FARP2: variants seen among roughly 807,000 people sequenced by gnomAD.
The protein encoded by FARP2 is FERM, ARHGEF and pleckstrin domain-containing protein 2.
A neutral mutation model predicts 130.5 loss-of-function variants in FARP2; 111 were observed. The ratio of observed to expected loss-of-function variants is 0.85; its 90% CI spans 0.73 to 1.00. FARP2 has a LOEUF of 1.00. Ranked by LOEUF, FARP2 falls within the 50% of genes least tolerant of loss-of-function variation. The pLI is 0.00. For missense variants in FARP2, 1,385 were observed against 1,346.3 expected, an observed-to-expected ratio of 1.03 and a Z score of -0.45; for synonymous variants, 504 against 516.9, an observed-to-expected ratio of 0.98 and a Z score of 0.34.
chr2:241,441,491 T>TGGCTGGA lies in FARP2; in HGVS notation c.1350_1356dup (p.Pro453TrpfsTer52), dbSNP rs756607455. ...GCTGCAGAGAGGCGCAGTGGAGCAG[T>TGGCTGGA]GGCTGGAGGCCCCGACACACCATCG... On this transcript the variant is annotated frameshift_variant, in exon 13 of 27. Transcript: ENST00000264042. LOFTEE classifies it high-confidence loss of function. 303 of 1,614,016 alleles carry TGGCTGGA rather than the reference T, an allele frequency of 1.9e-4. No individual in the cohort carries two copies. The highest frequency in any genetic ancestry group is 2.5e-4 in the Non-Finnish European group (292 of 1,180,014).
chr2:241,477,289 C>T (rs1341783003), intron 19 of FARP2, among the ~76,000 whole-genome samples: 1 of 152,002 alleles, frequency 6.6e-6, no homozygotes, highest in Non-Finnish European at 1.5e-5. Flanking sequence ...ACCACTATGC[C>T]CAGCTAATTT....
intron 1 of FARP2, among the ~76,000 whole-genome samples, chr2:241,358,838 G>C (rs949123260): frequency 6.6e-6 from 1 of 152,204 alleles, no homozygotes; most frequent in Non-Finnish European, 1.5e-5. Flanking sequence ...ATATGATAAA[G>C]CCCAGTCTTT....
chr2:241,462,429 A>T, intron 14 of FARP2, 94 bp from the exon 15 acceptor site: 1 of 802,234 alleles, frequency 1.2e-6, no homozygotes, highest in Non-Finnish European at 2.2e-6. Context: ...TACCTTGAGC[A>T]GAAGAAAGCA....
intron 2 of FARP2, among the ~76,000 whole-genome samples, chr2:241,402,860 ATATATATATATATATATATATTT>A (rs2062216162): frequency 8.7e-5 from 1 of 11,478 alleles, no homozygotes; most frequent in Non-Finnish European, 2.0e-4. Context: ...ATATATATAT[ATATATATATATATATATATATTT>A]TTTTTTTTTT....
At position 241,462,573 on chromosome 2, in the gene FARP2, A is replaced by G. The variant is rs1316717304; in HGVS notation, c.1638A>G (p.Thr546=). Residue 546 remains threonine, a synonymous_variant, in exon 15 of 27, where the codon ACA becomes ACG. Coordinates refer to ENST00000264042, the MANE Select transcript of FARP2 (RefSeq NM_014808.4). Reference sequence around the variant, plus strand: ...TCATAGTCAAAGAGATTCTCGCTACAGAACGAACATACCTCAAGGATTTAG... The same window carrying G: ...TCATAGTCAAAGAGATTCTCGCTACGGAACGAACATACCTCAAGGATTTAG... The part of the protein sequence containing the change: ...AYFIVKEILA[T]ERTYLKDLEV... The G allele has an allele frequency of 6.2e-7, 1 of 1,613,970 alleles. No individual in the cohort carries two copies. Among genetic ancestry groups the G allele is most frequent in the South Asian group, 1.1e-5 (1 of 91,080 alleles).
In FARP2 at chr2:241,431,707, G is replaced by A; in HGVS notation, c.800G>A (p.Trp267Ter). 1 of 1,601,582 alleles carries A rather than the reference G, an allele frequency of 6.2e-7. No individual in the cohort carries two copies. Among genetic ancestry groups the A allele is most frequent in the Non-Finnish European group, 8.5e-7 (1 of 1,170,938 alleles). The change falls in exon 9 of 27, where the codon TGG (tryptophan) becomes TAG (stop). Residue 267 changes from tryptophan to a stop codon, truncating the protein, a stop_gained. Coordinates refer to ENST00000264042, the MANE Select transcript of FARP2 (RefSeq NM_014808.4). LOFTEE classifies it high-confidence loss of function. Reference sequence around the variant, plus strand: ...ACCACCAAAATCAACACTTTCAACTGGTCCAAGGTCCGTAAACTAAGCTTC... The same window carrying A: ...ACCACCAAAATCAACACTTTCAACTAGTCCAAGGTCCGTAAACTAAGCTTC... ...QGTTKINTFNWSKVRKLSFKR... is the reference protein window; with the variant it reads ...QGTTKINTFN
At chr2:241,424,790 A>G (rs1371172484) in intron 8 of FARP2, among the ~76,000 whole-genome samples, 2 of 152,244 alleles carry the variant, frequency 1.3e-5, no homozygotes, top group African/African-American at 2.4e-5. Flanking sequence ...CCACGGAAAT[A>G]TAAACGATCA....
intron 21 of FARP2, among the ~76,000 whole-genome samples, chr2:241,486,655 C>G (rs2064760732): frequency 1.3e-5 from 2 of 152,148 alleles, no homozygotes; most frequent in African/African-American, 4.8e-5. Context: ...TCACCTGTCA[C>G]TGGACGCTTG....
chr2:241,480,653 T>G (rs1414279028), intron 19 of FARP2, among the ~76,000 whole-genome samples: 2 of 151,988 alleles, frequency 1.3e-5, no homozygotes, highest in African/African-American at 4.8e-5. Context: ...AATGCCTAAG[T>G]TTCCCCTGAA....
intron 7 of FARP2, among the ~76,000 whole-genome samples, chr2:241,413,848 A>G (rs1381028773): frequency 6.6e-6 from 1 of 152,080 alleles, no homozygotes; most frequent in Non-Finnish European, 1.5e-5. Context: ...GAGGTGAGGC[A>G]GGAGAATCGC....
At chr2:241,432,909 A>G (rs1410577460) in intron 9 of FARP2, among the ~76,000 whole-genome samples, 1 of 152,246 alleles carries the variant, frequency 6.6e-6, no homozygotes, top group Non-Finnish European at 1.5e-5. Flanking sequence ...TGGGCCAGTC[A>G]GAAGAAAAGC....
intron 2 of FARP2, 146 bp downstream of exon 2, chr2:241,373,436 G>A (rs2061466171): frequency 2.1e-6 from 1 of 467,166 alleles, no homozygotes. Flanking sequence ...CTTAGAAACA[G>A]TAAATCTGAA....
At chr2:241,449,277 A>G (rs150416004) in intron 13 of FARP2, among the ~76,000 whole-genome samples, 9 of 152,016 alleles carry the variant, frequency 5.9e-5, no homozygotes, top group Non-Finnish European at 8.8e-5. Flanking sequence ...CCTGGGCAAT[A>G]TAGCGAGACC....
chr2:241,391,188 T>C (rs2061896057), intron 2 of FARP2, among the ~76,000 whole-genome samples: 1 of 152,262 alleles, frequency 6.6e-6, no homozygotes, highest in Non-Finnish European at 1.5e-5. Flanking sequence ...TGAACTAAGC[T>C]ACTCTTCTGT....
At chr2:241,450,006 C>CAA (rs1244240579) in intron 13 of FARP2, among the ~76,000 whole-genome samples, 3 of 115,194 alleles carry the variant, frequency 2.6e-5, no homozygotes, top group Non-Finnish European at 3.7e-5. Flanking sequence ...GACTCCATCT[C>CAA]AAAAAAAAAA....
chr2:241,391,304 G>A (rs780922003), intron 2 of FARP2, among the ~76,000 whole-genome samples: 2 of 152,184 alleles, frequency 1.3e-5, no homozygotes, highest in Admixed American at 1.3e-4. Flanking sequence ...TTGCTTCTTT[G>A]GCTTCTGGTG....
intron 17 of FARP2, chr2:241,465,537 G>A (rs1000169603): frequency 1.9e-6 from 3 of 1,550,546 alleles, no homozygotes; most frequent in East Asian, 4.9e-5. Flanking sequence ...GGGCAGCACT[G>A]GGGGAAGTGA....
At chr2:241,462,689 T>C in intron 15 of FARP2, 77 bp downstream of exon 15, 1 of 972,370 alleles carries the variant, frequency 1.0e-6, no homozygotes, top group Non-Finnish European at 1.6e-6. Flanking sequence ...ATCTCTTTTT[T>C]TTCTTTTTTT....
chr2:241,441,397 G>A lies in FARP2; in HGVS notation c.1252G>A (p.Gly418Ser). Reference sequence around the variant, plus strand: ...CTCTCCCTCCACTCTGGTCCCCTCTGGCCTGCCAGAGTTTAAGGACAGCAG... The same window carrying A: ...CTCTCCCTCCACTCTGGTCCCCTCTAGCCTGCCAGAGTTTAAGGACAGCAG... ...SLSPSTLVPS[G>S]LPEFKDSSSS... Residue 418 changes from glycine (G) to serine (S), a missense_variant, in exon 13 of 27, where the codon GGC becomes AGC. Gly to Ser is a moderately conservative substitution (Grantham distance 56). Coordinates refer to ENST00000264042, the MANE Select transcript of FARP2 (RefSeq NM_014808.4). 6.2e-7 allele frequency: 1 copy of A among 1,614,202 alleles called. No individual in the cohort carries two copies. The highest frequency in any genetic ancestry group is 8.5e-7 in the Non-Finnish European group (1 of 1,180,038).
Sources: allele counts gnomAD v4.1 joint callset (sites outside exome capture counted in the v4.1 genomes callset), GRCh38; gene constraint gnomAD v4.1.1; transcripts MANE v1.5; gene names NCBI Gene and HGNC (gene_info 2026-07-23, HGNC 2026-07-21).